The following AKAP6 variants were observed in gnomAD, a reference collection of about 807,000 sequenced individuals.
AKAP6 encodes A-kinase anchor protein 6.
In AKAP6, 58 loss-of-function variants were observed where a neutral mutation model predicts 188.5. The observed-to-expected ratio is 0.31, with a 90% CI of 0.25 to 0.38. The LOEUF is 0.38. AKAP6 is among the 10% of genes least tolerant of loss of function. The probability of loss-of-function intolerance (pLI) is 1.00; values close to 1 mark genes in which losing one functional copy is unlikely to be tolerated. For synonymous variants in AKAP6, 989 were observed against 998.6 expected (o/e 0.99, Z 0.18); for missense variants, 2,710 against 2,740.0 (o/e 0.99, Z 0.24).
rs896533991 is a variant in AKAP6 at position 32,821,617 on chromosome 14, T to A, written c.3804T>A (p.His1268Gln). 6 of 1,613,600 alleles carry A rather than the reference T, an allele frequency of 3.7e-6. No homozygotes were observed. In the African/African-American group the frequency reaches 4.0e-5, roughly 11 times the overall value. ...DPGYDEEADN[H>Q]GGSQYASNIT... ...GTTATGACGAGGAGGCTGATAACCATGGGGGATCTCAGTATGCCTCAAATA... is the reference window on the plus strand; with the variant it reads ...GTTATGACGAGGAGGCTGATAACCAAGGGGGATCTCAGTATGCCTCAAATA... Residue 1268 changes from histidine (H) to glutamine (Q), a missense_variant, in exon 13 of 14, where the codon CAT becomes CAA. By Grantham distance (24) the His-to-Gln change is conservative. This residue lies in a region of AKAP6 where 2,473 missense variants were observed against 2,426.1 expected (regional missense o/e 1.02). Transcript: ENST00000280979.
chr14:32,337,871 C>A (rs1269652379), intron 1 of AKAP6, among the ~76,000 whole-genome samples: 1 of 151,974 alleles, frequency 6.6e-6, no homozygotes, highest in Non-Finnish European at 1.5e-5. Flanking sequence ...AGGAGAGAAA[C>A]AGGCCTGGCA....
intron 7 of AKAP6, among the ~76,000 whole-genome samples, chr14:32,653,225 T>C (rs1888306589): frequency 1.3e-5 from 2 of 152,186 alleles, no homozygotes; most frequent in African/African-American, 2.4e-5. Flanking sequence ...TGGCCATTTT[T>C]TCTCCTTTCC....
chr14:32,813,236 C>T (rs181518286), intron 12 of AKAP6, among the ~76,000 whole-genome samples: 94 of 152,244 alleles, frequency 6.2e-4, no homozygotes, highest in African/African-American at 2.1e-3. Flanking sequence ...AAAAACCAGA[C>T]GTAAAAGAAA....
intron 11 of AKAP6, among the ~76,000 whole-genome samples, chr14:32,767,680 T>G (rs1253776717): frequency 6.6e-6 from 1 of 152,154 alleles, no homozygotes; most frequent in African/African-American, 2.4e-5. Flanking sequence ...CCCCAACCTG[T>G]AATGCCTATC....
chr14:32,732,813 T>A, intron 10 of AKAP6: 1 of 634,976 alleles, frequency 1.6e-6, no homozygotes, highest in Non-Finnish European at 2.7e-6. Context: ...TCTCAGATTT[T>A]AATAATTTTG....
At chr14:32,514,413 C>T (rs532155372) in intron 2 of AKAP6, among the ~76,000 whole-genome samples, 1 of 152,270 alleles carries the variant, frequency 6.6e-6, no homozygotes, top group East Asian at 1.9e-4. Context: ...AGAAGCTGTG[C>T]CATGGTCTTA....
At chr14:32,483,572 C>T (rs1479519239) in intron 2 of AKAP6, among the ~76,000 whole-genome samples, 5 of 152,046 alleles carry the variant, frequency 3.3e-5, no homozygotes, top group African/African-American at 7.3e-5. Flanking sequence ...GCAACCTCCG[C>T]CTCCCCGGTT....
chr14:32,729,995 T>C (rs80141972), intron 9 of AKAP6, among the ~76,000 whole-genome samples: 7,756 of 152,154 alleles, frequency 0.051, 547 homozygotes, highest in East Asian at 0.37. Context: ...GAGCTGGCAG[T>C]TGATTTTCTG....
intron 12 of AKAP6, among the ~76,000 whole-genome samples, chr14:32,806,936 C>A (rs1421663137): frequency 1.3e-5 from 2 of 151,818 alleles, no homozygotes; most frequent in Non-Finnish European, 2.9e-5. Flanking sequence ...CACTTGTAGT[C>A]CCAGCTACTT....
rs774510959 is a variant in AKAP6, at chr14:32,690,270, T to TCA, written c.2880-5708_2880-5707dup. The stretch of plus-strand genomic sequence containing the variant: ...TGAGCCCAGTTGAAACCTCATATAT[T>TCA]CACACACACACACCTCCCATTGATT... On this transcript the variant is annotated intron_variant, in intron 8 of 13. Transcript: ENST00000280979. Among the ~76,000 whole-genome samples, 8 of 151,518 alleles carry TCA rather than the reference T, an allele frequency of 5.3e-5. No homozygotes were observed. In the East Asian group the frequency reaches 1.4e-3, roughly 26 times the overall value.
At chr14:32,407,492 C>T (rs948679044) in intron 1 of AKAP6, among the ~76,000 whole-genome samples, 1 of 152,170 alleles carries the variant, frequency 6.6e-6, no homozygotes, top group Non-Finnish European at 1.5e-5. Flanking sequence ...GCCTACCTGG[C>T]CCAGTCTGAA....
intron 7 of AKAP6, among the ~76,000 whole-genome samples, chr14:32,647,539 A>G (rs1323435151): frequency 6.6e-6 from 1 of 152,128 alleles, no homozygotes; most frequent in Non-Finnish European, 1.5e-5. Context: ...GCGGAATTTA[A>G]GTGGCATCTT....
In AKAP6 at chr14:32,822,550, A is replaced by T. The variant is rs754524250; in HGVS notation, c.4737A>T (p.Gly1579=). 6.2e-6 allele frequency: 10 copies of T among 1,613,852 alleles called. No individual in the cohort carries two copies. The highest frequency in any genetic ancestry group is 7.6e-6 in the Non-Finnish European group (9 of 1,179,936). ...ESLSPGGDLF[G]LGIFKNGSDS... ...TTTCTCCAGGGGGTGATTTATTTGG[A>T]TTGGGCATCTTTAAAAATGGCAGTG... The change falls in exon 13 of 14, where the codon GGA becomes GGT. Residue 1579 remains glycine (G), a synonymous_variant. Coordinates refer to ENST00000280979, the MANE Select transcript of AKAP6 (RefSeq NM_004274.5).
intron 2 of AKAP6, among the ~76,000 whole-genome samples, chr14:32,455,060 G>A (rs6571520): frequency 0.37 from 55,433 of 150,136 alleles, 15,708 homozygotes; most frequent in African/African-American, 0.8. Flanking sequence ...CAACCTCCTG[G>A]GCTCAAGCTA....
At chr14:32,385,577 G>A (rs998818697) in intron 1 of AKAP6, among the ~76,000 whole-genome samples, 4 of 150,488 alleles carry the variant, frequency 2.7e-5, no homozygotes, top group South Asian at 2.1e-4. Flanking sequence ...CCTTTCCCCC[G>A]AGTCCCCAAA....
chr14:32,578,588 A>G (rs1884831950), intron 5 of AKAP6, among the ~76,000 whole-genome samples: 1 of 152,208 alleles, frequency 6.6e-6, no homozygotes, highest in Non-Finnish European at 1.5e-5. Context: ...TATTAATTAG[A>G]ATGTCAACTT....
intron 11 of AKAP6, among the ~76,000 whole-genome samples, chr14:32,744,753 C>T (rs1027060864): frequency 1.3e-5 from 2 of 151,972 alleles, no homozygotes; most frequent in Admixed American, 6.6e-5. Context: ...TTAGATTGGC[C>T]CTTTTGAGGC....
chr14:32,678,231 A>T lies in AKAP6; in HGVS notation c.2731-80A>T. 3 of 1,452,230 alleles carry T rather than the reference A, an allele frequency of 2.1e-6. No individual in the cohort carries two copies. In the East Asian group the frequency reaches 7.3e-5, roughly 35 times the overall value. The allele number at this position is 1,452,230 out of a possible 1,614,324, so 90.0% of individuals were successfully genotyped here. ...CACTATAATGATGTGAAGAATTCCC[A>T]TTCTTTGAGTTGTTACACCTCACTT... is the stretch of plus-strand genomic sequence containing the variant. On this transcript the variant is annotated intron_variant, in intron 7 of 13. Coordinates refer to ENST00000280979, the MANE Select transcript of AKAP6 (RefSeq NM_004274.5).
intron 2 of AKAP6, among the ~76,000 whole-genome samples, chr14:32,527,197 A>G (rs1418731961): frequency 6.6e-6 from 1 of 152,218 alleles, no homozygotes; most frequent in Non-Finnish European, 1.5e-5. Context: ...TACGGTTTGT[A>G]GCCTTTTCAG....
Sources: allele counts gnomAD v4.1 joint callset (sites outside exome capture counted in the v4.1 genomes callset), GRCh38; gene constraint gnomAD v4.1.1; regional missense constraint gnomAD v4.1.1; transcripts MANE v1.5; gene names NCBI Gene and HGNC (gene_info 2026-07-23, HGNC 2026-07-21).